The following HHIP variants were observed in gnomAD, a reference collection of about 807,000 sequenced individuals.
HHIP encodes the protein hedgehog interacting protein, also known as hedgehog-interacting protein.
HHIP carries 12 observed loss-of-function variants against 74.0 expected under a neutral mutation model. The observed-to-expected ratio is 0.16, with a 90% confidence interval of 0.10 to 0.26. The LOEUF is 0.26. Among genes scored for constraint, HHIP ranks in the 10% least tolerant of loss-of-function variants. HHIP has a pLI of 1.00. For synonymous variants in HHIP, 309 were observed against 311.6 expected (o/e 0.99, Z 0.09); for missense variants, 788 against 845.0 (o/e 0.93, Z 0.84).
At chr4:144,708,464 T>G (rs1730208359) in intron 7 of HHIP, among the ~76,000 whole-genome samples, 153 bp downstream of exon 7, 1 of 152,182 alleles carries the variant, frequency 6.6e-6, no homozygotes, top group Non-Finnish European at 1.5e-5. Flanking sequence ...ATTACTCAAG[T>G]GAGTATTTAG....
At position 144,684,303 on chromosome 4, in the gene HHIP, G is replaced by T. The variant is rs1241754604; in HGVS notation, c.832-22228G>T. On this transcript the variant is annotated intron_variant, in intron 4 of 12. Transcript: ENST00000296575. ...AGACGGAGTCTCGCTTTGTCACCCA[G>T]GCTGGAGTGCAGTGGCGCGATCTCG... Among the ~76,000 whole-genome samples the T allele has an allele frequency of 2.6e-5, 3 of 116,156 alleles. No individual in the cohort carries two copies. The East Asian group carries it at 8.2e-4, about 32-fold the overall frequency. 76.2% of individuals were successfully genotyped at this position (116,156 alleles called of 152,430 possible).
intron 4 of HHIP, among the ~76,000 whole-genome samples, chr4:144,693,201 G>A (rs528881114): frequency 7.2e-5 from 11 of 152,102 alleles, no homozygotes; most frequent in African/African-American, 2.4e-4. Context: ...TAGTGATTCT[G>A]GGAATTGGAA....
At chr4:144,697,298 T>A (rs773887621) in intron 4 of HHIP, among the ~76,000 whole-genome samples, 4 of 152,070 alleles carry the variant, frequency 2.6e-5, no homozygotes, top group Admixed American at 6.6e-5. Flanking sequence ...ATTTTCCTTT[T>A]GAGAAGGGAT....
At chr4:144,722,632 C>T (rs1730669218) in intron 11 of HHIP, among the ~76,000 whole-genome samples, 1 of 152,090 alleles carries the variant, frequency 6.6e-6, no homozygotes, top group Non-Finnish European at 1.5e-5. Context: ...ATGGGAGGAT[C>T]ACTTGAGGTC....
chr4:144,653,413 ATAGGAGAGATATGG>A (rs1728476914), intron 2 of HHIP, among the ~76,000 whole-genome samples: 1 of 152,154 alleles, frequency 6.6e-6, no homozygotes, highest in South Asian at 2.1e-4. Context: ...TGAGAAGGTG[ATAGGAGAGATATGG>A]AATTTCTTAT....
intron 1 of HHIP, among the ~76,000 whole-genome samples, chr4:144,651,188 A>G (rs1244426028): frequency 1.3e-5 from 2 of 152,158 alleles, no homozygotes; most frequent in African/African-American, 4.8e-5. Context: ...TGTGTAGTGT[A>G]TGTTTCCTTT....
intron 9 of HHIP, 103 bp downstream of exon 9, chr4:144,714,451 C>A (rs1730392898): frequency 8.7e-7 from 1 of 1,155,568 alleles, no homozygotes; most frequent in South Asian, 1.4e-5. Context: ...TCTTTTTGTG[C>A]ATCAGATGGG....
At chr4:144,707,561 G>A (rs569265703) in intron 6 of HHIP, among the ~76,000 whole-genome samples, 1 of 142,322 alleles carries the variant, frequency 7.0e-6, no homozygotes, top group East Asian at 2.2e-4. Context: ...TCAACACTGT[G>A]TAATAGGCTA....
chr4:144,672,197 A>G (rs1293215789), intron 4 of HHIP, among the ~76,000 whole-genome samples: 1 of 152,100 alleles, frequency 6.6e-6, no homozygotes, highest in Non-Finnish European at 1.5e-5. Flanking sequence ...CCTTTGTAAT[A>G]ATACAGAAAC....
At chr4:144,700,037 T>G (rs1390623654) in intron 4 of HHIP, among the ~76,000 whole-genome samples, 1 of 152,216 alleles carries the variant, frequency 6.6e-6, no homozygotes, top group East Asian at 1.9e-4. Flanking sequence ...TTTTACCTTC[T>G]CTGTATCTTG....
chr4:144,658,358 T>TTTA (rs1319992250), intron 2 of HHIP, among the ~76,000 whole-genome samples: 1 of 150,956 alleles, frequency 6.6e-6, no homozygotes. Flanking sequence ...TTAGTATTTA[T>TTTA]TTATTTATTT....
At chr4:144,720,437 T>G (rs958969681) in intron 11 of HHIP, among the ~76,000 whole-genome samples, 2 of 152,188 alleles carry the variant, frequency 1.3e-5, no homozygotes, top group Non-Finnish European at 2.9e-5. Context: ...TTGTAATGGA[T>G]TCTCTCTCCT....
intron 4 of HHIP, among the ~76,000 whole-genome samples, chr4:144,698,642 A>G (rs181725030): frequency 4.6e-4 from 70 of 152,334 alleles, no homozygotes; most frequent in African/African-American, 1.7e-3. Context: ...CTAAGTTTAA[A>G]GGAAAACCAA....
At chr4:144,733,359 C>T (rs1212674891) in intron 11 of HHIP, among the ~76,000 whole-genome samples, 3 of 152,106 alleles carry the variant, frequency 2.0e-5, no homozygotes, top group African/African-American at 2.4e-5. Flanking sequence ...TAGAGTGGGA[C>T]TTTTCTTCTG....
At chr4:144,653,105 C>G (rs1018925746) in intron 2 of HHIP, among the ~76,000 whole-genome samples, 1 of 152,084 alleles carries the variant, frequency 6.6e-6, no homozygotes, top group Non-Finnish European at 1.5e-5. Flanking sequence ...AATCCAAACT[C>G]CTCGTTGGTG....
At position 144,744,992 on chromosome 4, in the gene HHIP, G is replaced by A. The variant is rs1021480307; in HGVS notation, c.*7035G>A. On this transcript the variant is annotated 3_prime_UTR_variant, in exon 13 of 13. Coordinates refer to ENST00000296575, the MANE Select transcript of HHIP (RefSeq NM_022475.3). ...CTACATATGTATACACACTATCTAT[G>A]TAAAATATAATATATGTATAATGCA... is the stretch of plus-strand genomic sequence containing the variant. 3.3e-5 allele frequency: 5 copies of A among 152,088 alleles called. No individual in the cohort carries two copies. The highest frequency in any genetic ancestry group is 7.4e-5 in the Non-Finnish European group (5 of 68,026). 9.4% of individuals were successfully genotyped at this position (152,088 alleles called of 1,614,324 possible). A position where few individuals can be genotyped will look rare whatever the true frequency, so the allele number is the denominator to read the frequency against.
chr4:144,690,332 G>C (rs1729612656), intron 4 of HHIP, among the ~76,000 whole-genome samples: 1 of 152,106 alleles, frequency 6.6e-6, no homozygotes, highest in Admixed American at 6.5e-5. Context: ...GAGACTGGTA[G>C]GTATAATCAA....
At chr4:144,650,982 A>C (rs562209589) in intron 1 of HHIP, 22 of 152,236 alleles carry the variant, frequency 1.4e-4, no homozygotes, top group African/African-American at 4.1e-4. Context: ...TTTTTCAGCC[A>C]GCAAAAGAGG....
chr4:144,706,985 T>TGTGCCA lies in HHIP; in HGVS notation c.984-100_984-95dup, dbSNP rs1178732727. ...CAAATATATGTTTCCTTATTTACTA[T>TGTGCCA]GTGCCAGGAGTTTGTTTTTTCATTT... On this transcript the variant is annotated intron_variant, in intron 5 of 12. Transcript: ENST00000296575. 3 of 903,890 alleles carry TGTGCCA rather than the reference T, an allele frequency of 3.3e-6. No homozygotes were observed. The African/African-American group carries it at 5.1e-5, about 15-fold the overall frequency. The allele number at this position is 903,890 out of a possible 1,614,324, so 56.0% of individuals were successfully genotyped here.
Sources: gnomAD v4.1 joint callset for allele counts (sites outside exome capture counted in the v4.1 genomes callset) on GRCh38, gnomAD v4.1.1 for gene constraint, MANE v1.5 for transcripts, NCBI Gene and HGNC (gene_info 2026-07-23, HGNC 2026-07-21) for gene names.